The following SLC35D4 variants were observed in gnomAD, a reference collection of about 807,000 sequenced individuals.
The protein encoded by SLC35D4 is solute carrier family 35 member D4, also known as UDP-N-acetylglucosamine transporter SLC35D4.
At chr18:23,257,461 A>G in the SLC35D4 span, 4 of 1,349,008 alleles carry the variant, frequency 3.0e-6, no homozygotes, top group South Asian at 1.5e-5. Flanking sequence ...AGAACTCAGA[A>G]TACCAGACTT....
chr18:23,269,658 G>A, the SLC35D4 span, among the ~76,000 whole-genome samples: 6 of 152,218 alleles, frequency 3.9e-5, no homozygotes, highest in Non-Finnish European at 5.9e-5. Context: ...TCCTAGAGAC[G>A]TGTTGAATGG....
At chr18:23,406,896 CCAGGCTCAA>C in the SLC35D4 span, among the ~76,000 whole-genome samples, 1 of 152,202 alleles carries the variant, frequency 6.6e-6, no homozygotes, top group Admixed American at 6.5e-5. Flanking sequence ...CCCCAACCTC[CCAGGCTCAA>C]GTAATTCTCC....
the SLC35D4 span, among the ~76,000 whole-genome samples, chr18:23,240,182 A>T: frequency 6.6e-6 from 1 of 152,120 alleles, no homozygotes; most frequent in Non-Finnish European, 1.5e-5. Context: ...CCCAGGGGGT[A>T]GGCCTCAAGG....
chr18:23,398,791 A>G, the SLC35D4 span, among the ~76,000 whole-genome samples: 1 of 152,218 alleles, frequency 6.6e-6, no homozygotes, highest in Non-Finnish European at 1.5e-5. Context: ...CAAGAATTTT[A>G]CATTAAAAGA....
At chr18:23,278,640 C>T in the SLC35D4 span, among the ~76,000 whole-genome samples, 2 of 152,124 alleles carry the variant, frequency 1.3e-5, no homozygotes, top group African/African-American at 2.4e-5. Context: ...GAGGCTGGTG[C>T]TAAATGCTAC....
chr18:23,310,294 CATTA>C, the SLC35D4 span: 1 of 982,818 alleles, frequency 1.0e-6, no homozygotes, highest in Admixed American at 6.2e-5. Flanking sequence ...GTGATTAAAT[CATTA>C]ATTAATTATT....
the SLC35D4 span, among the ~76,000 whole-genome samples, chr18:23,415,659 T>G: frequency 6.6e-6 from 1 of 152,206 alleles, no homozygotes; most frequent in Non-Finnish European, 1.5e-5. Flanking sequence ...TAGCAAAGGA[T>G]TTCAGCATCT....
chr18:23,318,278 C>G, the SLC35D4 span, among the ~76,000 whole-genome samples: 1 of 152,074 alleles, frequency 6.6e-6, no homozygotes, highest in African/African-American at 2.4e-5. Context: ...CTTTAAAAAT[C>G]GGGGTTTTTA....
the SLC35D4 span, among the ~76,000 whole-genome samples, chr18:23,405,710 G>A: frequency 6.6e-6 from 1 of 152,128 alleles, no homozygotes; most frequent in Non-Finnish European, 1.5e-5. Flanking sequence ...AGGGGTGTCG[G>A]GGAAGGAGAG....
At chr18:23,397,684 C>A in the SLC35D4 span, among the ~76,000 whole-genome samples, 1 of 152,184 alleles carries the variant, frequency 6.6e-6, no homozygotes, top group African/African-American at 2.4e-5. Flanking sequence ...GACTACTACA[C>A]CCTGGGCTCA....
the SLC35D4 span, among the ~76,000 whole-genome samples, chr18:23,426,794 A>C: frequency 6.6e-6 from 1 of 152,234 alleles, no homozygotes; most frequent in Non-Finnish European, 1.5e-5. Flanking sequence ...TAACCAAAAC[A>C]GCATGGTACT....
At chr18:23,327,517 G>A in the SLC35D4 span, among the ~76,000 whole-genome samples, 21 of 152,270 alleles carry the variant, frequency 1.4e-4, no homozygotes, top group South Asian at 4.4e-3. Flanking sequence ...TTGAATCTCT[G>A]AATAGACCAA....
chr18:23,254,019 C>T, the SLC35D4 span: 1 of 1,177,936 alleles, frequency 8.5e-7, no homozygotes, highest in Non-Finnish European at 1.3e-6. Context: ...GTCAGTGACC[C>T]TGCCTGGAAG....
At chr18:23,241,383 T>C in the SLC35D4 span, among the ~76,000 whole-genome samples, 14 of 152,022 alleles carry the variant, frequency 9.2e-5, no homozygotes, top group Non-Finnish European at 2.1e-4. Flanking sequence ...ATACAAAAAT[T>C]AGCTGGGCAT....
the SLC35D4 span, among the ~76,000 whole-genome samples, chr18:23,343,298 G>A: frequency 3.3e-5 from 5 of 150,754 alleles, no homozygotes; most frequent in South Asian, 8.4e-4. Context: ...CACTCTTGTC[G>A]CCCAGGCTAG....
the SLC35D4 span, among the ~76,000 whole-genome samples, chr18:23,384,009 G>T: frequency 7.3e-6 from 1 of 136,662 alleles, no homozygotes; most frequent in Non-Finnish European, 1.6e-5. Context: ...ATTGGGGGGG[G>T]GGGGTGTGAT....
chr18:23,290,275 C>T, the SLC35D4 span, among the ~76,000 whole-genome samples: 1 of 152,228 alleles, frequency 6.6e-6, no homozygotes, highest in African/African-American at 2.4e-5. Context: ...TTAGAGCATC[C>T]CAGAGCCAGC....
chr18:23,385,222 CT>C, the SLC35D4 span, among the ~76,000 whole-genome samples: 4 of 152,246 alleles, frequency 2.6e-5, no homozygotes, highest in Non-Finnish European at 4.4e-5. Context: ...GATTAGCGCT[CT>C]TTGCTGCAGT....
At chr18:23,391,942 CTT>C in the SLC35D4 span, among the ~76,000 whole-genome samples, 9 of 144,302 alleles carry the variant, frequency 6.2e-5, no homozygotes, top group Admixed American at 6.9e-5. Context: ...CTTTCTTCTT[CTT>C]TTTTTTTTTT....
Sources: allele counts gnomAD v4.1 joint callset (sites outside exome capture counted in the v4.1 genomes callset), GRCh38; gene constraint gnomAD v4.1.1; transcripts MANE v1.5; gene names NCBI Gene and HGNC (gene_info 2026-07-23, HGNC 2026-07-21).